The following KMT2D variants were observed in gnomAD, a reference collection of about 807,000 sequenced individuals.
KMT2D encodes the protein histone-lysine N-methyltransferase 2D.
In KMT2D, 55 loss-of-function variants were observed where a neutral mutation model predicts 512.7. That is an observed-to-expected ratio of 0.11 (90% CI 0.09 to 0.13). KMT2D has a LOEUF of 0.13. Among genes scored for constraint, KMT2D ranks in the 10% least tolerant of loss-of-function variants. The pLI is 1.00. For synonymous variants in KMT2D, 2,995 were observed against 2,904.0 expected (o/e 1.03, Z -1.01); for missense variants, 6,061 against 7,127.9 (o/e 0.85, Z 5.39).
rs1943452956 is a variant in KMT2D at position 49,040,387 on chromosome 12, G to A, written c.7383C>T (p.Asp2461=). The change falls in exon 32 of 55, where the codon GAC becomes GAT. Residue 2461 remains aspartate (D), a synonymous_variant. Transcript: ENST00000301067. ...SRPPSRPQSR[D]PFAPLHKPPR... ...GTGGCTTATGCAATGGGGCAAATGGGTCACGGGACTGAGGGCGTGAGGGTG... is the reference window on the plus strand; with the variant it reads ...GTGGCTTATGCAATGGGGCAAATGGATCACGGGACTGAGGGCGTGAGGGTG... 6.4e-7 allele frequency: 1 copy of A among 1,566,398 alleles called. No individual in the cohort carries two copies. Among genetic ancestry groups the A allele is most frequent in the Non-Finnish European group, 8.7e-7 (1 of 1,155,294 alleles).
intron 49 of KMT2D, among the ~76,000 whole-genome samples, chr12:49,025,200 T>C (rs1942513647): frequency 6.6e-6 from 1 of 152,170 alleles, no homozygotes; most frequent in South Asian, 2.1e-4. Context: ...GCATAGGCCA[T>C]GGAAGGTCCC....
At chr12:49,025,336 T>A (rs1942520629) in intron 49 of KMT2D, among the ~76,000 whole-genome samples, 1 of 152,246 alleles carries the variant, frequency 6.6e-6, no homozygotes, top group Non-Finnish European at 1.5e-5. Context: ...TGAGGAATCA[T>A]ATATACAACA....
Position 49,037,191 on chromosome 12 carries a change from T to C in KMT2D, c.10165A>G (p.Met3389Val), listed in dbSNP as rs372740284. ...QKPMGTMPPS[M>V]CMKPQQLAMQ... Reference sequence around the variant, plus strand: ...GCCAATTGCTGCGGCTTCATGCACATGGAAGGTGGCATGGTGCCCATGGGC... The same window carrying C: ...GCCAATTGCTGCGGCTTCATGCACACGGAAGGTGGCATGGTGCCCATGGGC... Residue 3389 changes from methionine (M) to valine (V), a missense_variant, in exon 35 of 55, where the codon ATG (methionine) becomes GTG (valine). Coordinates refer to ENST00000301067, the MANE Select transcript of KMT2D (RefSeq NM_003482.4). The C allele has an allele frequency of 2.4e-5, 39 of 1,606,462 alleles. No individual in the cohort carries two copies. Among genetic ancestry groups the C allele is most frequent in the Non-Finnish European group, 2.5e-5 (29 of 1,174,074 alleles).
rs1277037184 is a variant in KMT2D at position 49,043,457 on chromosome 12, G to C, written c.5468-29C>G. The C allele has an allele frequency of 1.9e-6, 3 of 1,611,572 alleles. No individual in the cohort carries two copies. The African/African-American group carries it at 4.0e-5, about 22-fold the overall frequency. On this transcript the variant is annotated intron_variant, in intron 24 of 54. Transcript: ENST00000301067. ...TGAGCAAGAGTCCCCCCTCCAATCA[G>C]AGATGTCCTACATCTGATGCCCAGA...
chr12:49,028,857 T>C lies in KMT2D; in HGVS notation c.14353A>G (p.Met4785Val), dbSNP rs2120386818. ...EKGKGSEVSV[M>V]LTVSAAAAKN... ...GCTGCAGCAGCAGAGACTGTGAGCA[T>C]GACTGACACCTCACTTCCTTTGCCC... The change falls in exon 46 of 55, where the codon ATG (methionine) becomes GTG (valine). Residue 4785 changes from methionine to valine, a missense_variant. This residue lies in a region of KMT2D where 1,600 missense variants were observed against 1,754.9 expected (regional missense o/e 0.91). Transcript: ENST00000301067. The C allele has an allele frequency of 6.2e-7, 1 of 1,614,038 alleles. No homozygotes were observed. The highest frequency in any genetic ancestry group is 2.2e-5 in the East Asian group (1 of 44,894).
chr12:49,028,448 G>A (rs894795457), intron 46 of KMT2D, among the ~76,000 whole-genome samples: 7 of 152,206 alleles, frequency 4.6e-5, no homozygotes, highest in African/African-American at 1.7e-4. Flanking sequence ...GACTCTTGTA[G>A]TAAAGAAACC....
rs749783824 is a variant in KMT2D at position 49,042,788 on chromosome 12, G to A, written c.5735C>T (p.Pro1912Leu). The A allele has an allele frequency of 6.8e-6, 11 of 1,613,870 alleles. No individual in the cohort carries two copies. The highest frequency in any genetic ancestry group is 1.6e-4 in the Middle Eastern group (1 of 6,080). Residue 1912 changes from proline to leucine, a missense_variant, in exon 27 of 55, where the codon CCT becomes CTT. By Grantham distance (98) the Pro-to-Leu change is moderately conservative. This residue lies in a region of KMT2D where 640 missense variants were observed against 814.3 expected (regional missense o/e 0.79). Coordinates refer to ENST00000301067, the MANE Select transcript of KMT2D (RefSeq NM_003482.4). This position sits in a 1 kb window ranked among gnomAD's most constrained non-coding sequence, Gnocchi z 4.4. The stretch of plus-strand genomic sequence containing the variant: ...TGGCGTACGGCTGCCTTCTAGGCCA[G>A]GGGTTCCACAACCCAGATGCTGTTC... ...EREQHLGCGTPGLEGSRTPLQ... is the reference protein window; with the variant it reads ...EREQHLGCGTLGLEGSRTPLQ...
At position 49,046,560 on chromosome 12, in the gene KMT2D, T is replaced by G. The variant is rs558714197; in HGVS notation, c.4418+49A>C. ...TCACATACTCAACATCATATCCACT[T>G]TAACATCTCAAGGCCCCAGGGCTCC... On this transcript the variant is annotated intron_variant, in intron 16 of 54. Coordinates refer to ENST00000301067, the MANE Select transcript of KMT2D (RefSeq NM_003482.4). This position sits in a 1 kb window ranked among gnomAD's most constrained non-coding sequence, Gnocchi z 4.2. 6.3e-7 allele frequency: 1 copy of G among 1,582,898 alleles called. No homozygotes were observed. Among genetic ancestry groups the G allele is most frequent in the Admixed American group, 1.7e-5 (1 of 58,374 alleles).
chr12:49,050,335 C>T lies in KMT2D; in HGVS notation c.3253G>A (p.Ala1085Thr), dbSNP rs1592152292. 6.2e-7 allele frequency: 1 copy of T among 1,611,426 alleles called. No individual in the cohort carries two copies. The highest frequency in any genetic ancestry group is 1.7e-5 in the Admixed American group (1 of 59,480). Residue 1085 changes from alanine (A) to threonine (T), a missense_variant, in exon 12 of 55, where the codon GCC (alanine) becomes ACC (threonine). Ala to Thr is a moderately conservative substitution (Grantham distance 58, BLOSUM62 0). Around this residue, in one of 16 missense-constraint regions of KMT2D, gnomAD observed 447 missense variants for 500.1 expected, o/e 0.89. Coordinates refer to ENST00000301067, the MANE Select transcript of KMT2D (RefSeq NM_003482.4). Reference protein sequence around the residue: ...TEKVSEPECPALEPSATSPLP... With the variant: ...TEKVSEPECPTLEPSATSPLP... ...GGACTGGTGGCACTGGGTTCCAAGG[C>T]TGGGCATTCAGGTTCTGAAACTTTC...
In KMT2D at chr12:49,060,635, T is replaced by C. The variant is rs2120735181; in HGVS notation, c.-1060A>G. On this transcript the variant is annotated 5_prime_UTR_variant, in exon 1 of 55. Transcript: ENST00000301067. ...CCTGTTCGGCCGGTAGGGTGGTTCC[T>C]GCGAAGGGGCTATTTCCTGGCCCAA... Among the ~76,000 whole-genome samples, 1 of 152,336 alleles carries C rather than the reference T, an allele frequency of 6.6e-6. No individual in the cohort carries two copies. Among genetic ancestry groups the C allele is most frequent in the Middle Eastern group, 3.4e-3 (1 of 294 alleles).
intron 1 of KMT2D, among the ~76,000 whole-genome samples, chr12:49,057,883 T>A (rs904142072): frequency 2.0e-5 from 3 of 152,162 alleles, no homozygotes; most frequent in African/African-American, 7.2e-5. Context: ...GGAGTAAAAC[T>A]GTGCTGGCAC....
Position 49,042,799 on chromosome 12 carries a change from A to G in KMT2D, c.5724T>C (p.Gly1908=). The change falls in exon 27 of 55, where the codon GGT becomes GGC. Residue 1908 remains glycine (G), a synonymous_variant. Transcript: ENST00000301067. This position sits in a 1 kb window ranked among gnomAD's most constrained non-coding sequence, Gnocchi z 4.4. ...TGCCTTCTAGGCCAGGGGTTCCACAACCCAGATGCTGTTCTCGTTCAGAGC... is the reference window on the plus strand; with the variant it reads ...TGCCTTCTAGGCCAGGGGTTCCACAGCCCAGATGCTGTTCTCGTTCAGAGC... The part of the protein sequence containing the change: ...VLGSEREQHL[G]CGTPGLEGSR... 1 of 1,613,952 alleles carries G rather than the reference A, an allele frequency of 6.2e-7. No individual in the cohort carries two copies. The highest frequency in any genetic ancestry group is 2.2e-5 in the East Asian group (1 of 44,880).
chr12:49,024,007 G>A lies in KMT2D; in HGVS notation c.16052+571C>T, dbSNP rs1222032747. On this transcript the variant is annotated intron_variant, in intron 51 of 54. Transcript: ENST00000301067. This position sits in a 1 kb window ranked among gnomAD's most constrained non-coding sequence, Gnocchi z 4.5. ...AGTCATTTAATCTTTCTGGGTCTCA[G>A]TTTTCTCAGCTGTAAAATGGGGGTC... The A allele has an allele frequency of 2.2e-6, 1 of 448,402 alleles. No individual in the cohort carries two copies. The highest frequency in any genetic ancestry group is 2.5e-5 in the Admixed American group (1 of 40,244). 27.8% of individuals were successfully genotyped at this position (448,402 alleles called of 1,614,324 possible). A position where few individuals can be genotyped will look rare whatever the true frequency, so the allele number is the denominator to read the frequency against.
In KMT2D at chr12:49,054,736, C is replaced by T. The variant is rs375169999; in HGVS notation, c.192G>A (p.Arg64=). The part of the protein sequence containing the change: ...TPQDCSGGPV[R]RCALCNCGEP... ...CCCCGCAGTTACAGAGAGCACAACG[C>T]CGCACCGGACCCCCACTGTGGACAC... Residue 64 remains arginine, a synonymous_variant, in exon 4 of 55, where the codon CGG becomes CGA. Transcript: ENST00000301067. The surrounding 1 kb of genome is among the most constrained non-coding windows in gnomAD (Gnocchi z 6.4). 39 of 1,613,748 alleles carry T rather than the reference C, an allele frequency of 2.4e-5. No individual in the cohort carries two copies. The African/African-American group carries it at 4.0e-4, about 17-fold the overall frequency.
chr12:49,026,115 T>G lies in KMT2D; in HGVS notation c.15784+67A>C. 1 of 1,439,990 alleles carries G rather than the reference T, an allele frequency of 6.9e-7. No individual in the cohort carries two copies. Among genetic ancestry groups the G allele is most frequent in the Non-Finnish European group, 9.4e-7 (1 of 1,064,966 alleles). The allele number at this position is 1,439,990 out of a possible 1,614,324, so 89.2% of individuals were successfully genotyped here. A position where few individuals can be genotyped will look rare whatever the true frequency, so the allele number is the denominator to read the frequency against. On this transcript the variant is annotated intron_variant, in intron 49 of 54. Coordinates refer to ENST00000301067, the MANE Select transcript of KMT2D (RefSeq NM_003482.4). This position sits in a 1 kb window ranked among gnomAD's most constrained non-coding sequence, Gnocchi z 9.6. ...AAGCTACAGGTCCTCTTATAGACAT[T>G]GTAACAGTGACCCTGGGAGAAACTT...
chr12:49,040,806 T>C lies in KMT2D; in HGVS notation c.6964A>G (p.Lys2322Glu), dbSNP rs1462633398. The C allele has an allele frequency of 1.2e-6, 2 of 1,613,544 alleles. No individual in the cohort carries two copies. Among genetic ancestry groups the C allele is most frequent in the Non-Finnish European group, 1.7e-6 (2 of 1,179,740 alleles). The part of the protein sequence containing the change: ...SGTHLGGLEL[K>E]TPDVFKAPLT... ...GGGGCTTTGAAGACATCAGGTGTCT[T>C]TAACTCCAGGCCACCCAGGTGGGTG... is the stretch of plus-strand genomic sequence containing the variant. Residue 2322 changes from lysine to glutamate, a missense_variant, in exon 32 of 55, where the codon AAG (lysine) becomes GAG (glutamate). By Grantham distance (56) the Lys-to-Glu change is moderately conservative. This residue lies in a region of KMT2D where 710 missense variants were observed against 647.3 expected (regional missense o/e 1.10). Coordinates refer to ENST00000301067, the MANE Select transcript of KMT2D (RefSeq NM_003482.4).
At chr12:49,034,788 C>T (rs1285887943) in intron 36 of KMT2D, 24 bp downstream of exon 36, 1 of 1,610,504 alleles carries the variant, frequency 6.2e-7, no homozygotes, top group African/African-American at 1.3e-5. Context: ...AAAGGGCCAA[C>T]CCCATTCCAG....
Position 49,033,701 on chromosome 12 carries a change from A to T in KMT2D, c.11004T>A (p.Pro3668=), listed in dbSNP as rs2120445520. Residue 3668 remains proline, a synonymous_variant, in exon 40 of 55, where the codon CCT becomes CCA. Transcript: ENST00000301067. ...TPGGMALPGQ[P]GGPFLNTALA... ...GAGCTGTATTAAGGAAGGGGCCACC[A>T]GGCTGTCCAGGTAGTGCCATACCCC... 6.2e-7 allele frequency: 1 copy of T among 1,613,668 alleles called. No homozygotes were observed. The highest frequency in any genetic ancestry group is 8.5e-7 in the Non-Finnish European group (1 of 1,179,860).
rs2120652115 is a variant in KMT2D, at chr12:49,050,531, G to A, written c.3057C>T (p.Pro1019=). The change falls in exon 12 of 55, where the codon CCC becomes CCT. Residue 1019 remains proline, a synonymous_variant. Transcript: ENST00000301067. The part of the protein sequence containing the change: ...VGPASPILME[P]LPPQCSPLLQ... Reference sequence around the variant, plus strand: ...GGAGTGGCGAACACTGAGGAGGAAGGGGCTCCATCAGGATGGGAGAAGCCG... The same window carrying A: ...GGAGTGGCGAACACTGAGGAGGAAGAGGCTCCATCAGGATGGGAGAAGCCG... 1 of 1,608,322 alleles carries A rather than the reference G, an allele frequency of 6.2e-7. No individual in the cohort carries two copies.
Sources: allele counts gnomAD v4.1 joint callset (sites outside exome capture counted in the v4.1 genomes callset), GRCh38; gene constraint gnomAD v4.1.1; regional missense constraint gnomAD v4.1.1; non-coding constraint Gnocchi (gnomAD v3.1); transcripts MANE v1.5; gene names NCBI Gene and HGNC (gene_info 2026-07-23, HGNC 2026-07-21).